The following CDKAL1 variants were observed in gnomAD, a reference collection of about 807,000 sequenced individuals.
The protein encoded by CDKAL1 is threonylcarbamoyladenosine tRNA methylthiotransferase.
Under a neutral mutation model 68.2 loss-of-function variants are expected in CDKAL1, and 32 were observed. The observed-to-expected ratio is 0.47, with a 90% confidence interval of 0.35 to 0.63. The LOEUF (loss-of-function observed/expected upper bound fraction) is 0.63, where lower values mean the gene tolerates loss of function less well. Among genes scored for constraint, CDKAL1 ranks in the 30% least tolerant of loss-of-function variants. The probability of loss-of-function intolerance (pLI) is 0.00; values close to 1 mark genes in which losing one functional copy is unlikely to be tolerated. For synonymous variants in CDKAL1, 234 were observed against 244.3 expected, an observed-to-expected ratio of 0.96 and a Z score of 0.39; for missense variants, 606 against 696.7, an observed-to-expected ratio of 0.87 and a Z score of 1.47.
chr6:21,022,822 T>C (rs1292973721), intron 11 of CDKAL1, among the ~76,000 whole-genome samples: 2 of 152,210 alleles, frequency 1.3e-5, no homozygotes, highest in South Asian at 2.1e-4. Flanking sequence ...TTTCTAACTT[T>C]TGTTGGTGAT....
intron 4 of CDKAL1, among the ~76,000 whole-genome samples, chr6:20,590,225 T>G (rs539812499): frequency 1.3e-5 from 2 of 152,172 alleles, no homozygotes; most frequent in Non-Finnish European, 2.9e-5. Flanking sequence ...GTCTCATTTT[T>G]CATCTTTAAA....
chr6:20,883,972 T>TA (rs1171393391), intron 9 of CDKAL1, among the ~76,000 whole-genome samples: 1 of 152,204 alleles, frequency 6.6e-6, no homozygotes, highest in African/African-American at 2.4e-5. Flanking sequence ...GAACACTTTC[T>TA]AACTCATTCT....
At chr6:20,780,543 G>A (rs770262972) in intron 7 of CDKAL1, among the ~76,000 whole-genome samples, 1 of 152,108 alleles carries the variant, frequency 6.6e-6, no homozygotes, top group African/African-American at 2.4e-5. Flanking sequence ...TTTGGCATAT[G>A]CTAGAGAGTA....
intron 10 of CDKAL1, among the ~76,000 whole-genome samples, chr6:20,985,228 G>T (rs1489656093): frequency 1.3e-5 from 2 of 152,098 alleles, no homozygotes; most frequent in African/African-American, 4.8e-5. Flanking sequence ...ATTGCTTTGG[G>T]TGTGGACATT....
At chr6:21,179,824 A>G (rs930475360) in intron 13 of CDKAL1, among the ~76,000 whole-genome samples, 1 of 152,228 alleles carries the variant, frequency 6.6e-6, no homozygotes, top group African/African-American at 2.4e-5. Flanking sequence ...GTTCAGGACC[A>G]GCCTGGGCCA....
intron 5 of CDKAL1, among the ~76,000 whole-genome samples, chr6:20,690,646 A>G (rs1225777067): frequency 6.6e-6 from 1 of 151,960 alleles, no homozygotes; most frequent in Non-Finnish European, 1.5e-5. Flanking sequence ...AATTTTTTTT[A>G]TATTTTTTTG....
intron 13 of CDKAL1, among the ~76,000 whole-genome samples, chr6:21,193,653 G>T (rs1222121089): frequency 6.6e-6 from 1 of 152,180 alleles, no homozygotes; most frequent in Non-Finnish European, 1.5e-5. Flanking sequence ...TGTGGCATCT[G>T]TTGATTTCAA....
At chr6:20,620,088 C>T (rs527624885) in intron 4 of CDKAL1, among the ~76,000 whole-genome samples, 28 of 152,308 alleles carry the variant, frequency 1.8e-4, no homozygotes, top group Non-Finnish European at 3.4e-4. Context: ...CGTAGATTCT[C>T]AGTCCTATTA....
chr6:20,791,330 A>G (rs1298507414), intron 8 of CDKAL1, among the ~76,000 whole-genome samples: 2 of 152,204 alleles, frequency 1.3e-5, no homozygotes, highest in Non-Finnish European at 2.9e-5. Flanking sequence ...TATGATAGCT[A>G]TGAGAAGGCA....
intron 11 of CDKAL1, among the ~76,000 whole-genome samples, chr6:21,023,729 C>T (rs1351705113): frequency 2.0e-5 from 3 of 152,088 alleles, no homozygotes; most frequent in Admixed American, 6.6e-5. Context: ...TTTCATTTAT[C>T]TTAGAACAGT....
At chr6:20,704,696 A>T (rs1206075013) in intron 5 of CDKAL1, among the ~76,000 whole-genome samples, 1 of 152,238 alleles carries the variant, frequency 6.6e-6, no homozygotes, top group Non-Finnish European at 1.5e-5. Context: ...TATATGGAAG[A>T]GGTCCCTAGA....
intron 4 of CDKAL1, among the ~76,000 whole-genome samples, chr6:20,590,860 G>C (rs1316990038): frequency 2.6e-5 from 4 of 152,086 alleles, no homozygotes; most frequent in Non-Finnish European, 5.9e-5. Context: ...ATAATCCTTT[G>C]GGTGTATACC....
chr6:20,703,479 G>A (rs1247219564), intron 5 of CDKAL1, among the ~76,000 whole-genome samples: 1 of 151,954 alleles, frequency 6.6e-6, no homozygotes, highest in East Asian at 1.9e-4. Flanking sequence ...TCTTTTATGT[G>A]CTCTAATGTA....
intron 4 of CDKAL1, among the ~76,000 whole-genome samples, chr6:20,557,728 A>G (rs546423091): frequency 3.8e-4 from 58 of 152,236 alleles, no homozygotes; most frequent in African/African-American, 1.4e-3. Context: ...GGAGTTTGAG[A>G]CCAGCCTGGC....
intron 13 of CDKAL1, among the ~76,000 whole-genome samples, chr6:21,182,717 C>T (rs79622492): frequency 6.6e-6 from 1 of 152,180 alleles, no homozygotes; most frequent in African/African-American, 2.4e-5. Context: ...TAGTCACTGT[C>T]CTGCTGTATT....
chr6:20,759,346 A>G lies in CDKAL1; in HGVS notation c.517+703A>G, dbSNP rs58800477. The stretch of plus-strand genomic sequence containing the variant: ...TGCTTGAGCCCAGGAGTTCGAGACC[A>G]GCTTGGGCAACATGGCGAAACCTCA... On this transcript the variant is annotated intron_variant, in intron 7 of 15. Coordinates refer to ENST00000274695, the MANE Select transcript of CDKAL1 (RefSeq NM_017774.3). Among the ~76,000 whole-genome samples, 852 of 152,226 alleles carry G rather than the reference A, an allele frequency of 5.6e-3. 9 individuals carry two copies. The highest frequency in any genetic ancestry group is 0.019 in the African/African-American group (788 of 41,538).
At chr6:21,079,393 T>G (rs1772256879) in intron 12 of CDKAL1, among the ~76,000 whole-genome samples, 2 of 152,192 alleles carry the variant, frequency 1.3e-5, no homozygotes, top group South Asian at 2.1e-4. Flanking sequence ...GAAAGCCCAT[T>G]GAGAAGCTAC....
intron 2 of CDKAL1, among the ~76,000 whole-genome samples, chr6:20,544,462 GGC>G (rs1763510428): frequency 6.6e-6 from 1 of 151,580 alleles, no homozygotes; most frequent in African/African-American, 2.4e-5. Flanking sequence ...CGGGCATGGT[GGC>G]GCGCGCCTGT....
intron 13 of CDKAL1, among the ~76,000 whole-genome samples, chr6:21,123,281 C>A (rs1244711085): frequency 1.3e-5 from 2 of 151,964 alleles, no homozygotes; most frequent in African/African-American, 4.8e-5. Flanking sequence ...ATGGTGAAAC[C>A]CCATCTCTAC....
Sources: allele counts gnomAD v4.1 joint callset (sites outside exome capture counted in the v4.1 genomes callset), GRCh38; gene constraint gnomAD v4.1.1; transcripts MANE v1.5; gene names NCBI Gene and HGNC (gene_info 2026-07-23, HGNC 2026-07-21).